The following ROBO2 variants were observed in gnomAD, a reference collection of about 807,000 sequenced individuals.
The protein encoded by ROBO2 is roundabout guidance receptor 2.
Under a neutral mutation model 160.8 loss-of-function variants are expected in ROBO2, and 53 were observed. The observed-to-expected ratio is 0.33, with a 90% CI of 0.26 to 0.41. The LOEUF (loss-of-function observed/expected upper bound fraction) is 0.41. ROBO2 is among the 10% of genes least tolerant of loss of function. The pLI is 1.00. For missense variants in ROBO2, 1,577 were observed against 1,722.4 expected, an observed-to-expected ratio of 0.92 and a Z score of 1.49; for synonymous variants, 664 against 611.7, an observed-to-expected ratio of 1.09 and a Z score of -1.26.
intron 2 of ROBO2, among the ~76,000 whole-genome samples, chr3:77,292,571 G>T (rs974033821): frequency 2.0e-5 from 3 of 150,874 alleles, no homozygotes; most frequent in African/African-American, 7.3e-5. Context: ...AAAATTGATG[G>T]TTAAATGGGT....
At chr3:76,494,375 A>T (rs1045930982) in intron 2 of ROBO2, among the ~76,000 whole-genome samples, 3 of 152,224 alleles carry the variant, frequency 2.0e-5, no homozygotes, top group African/African-American at 7.2e-5. Flanking sequence ...AGTCTTCAAA[A>T]GAAATGAAGA....
At chr3:77,113,405 A>T (rs1384581917) in intron 2 of ROBO2, among the ~76,000 whole-genome samples, 1 of 152,214 alleles carries the variant, frequency 6.6e-6, no homozygotes, top group Non-Finnish European at 1.5e-5. Context: ...AATCCTTCCT[A>T]AGTACTTATT....
At chr3:76,655,597 G>C (rs1465205301) in intron 2 of ROBO2, among the ~76,000 whole-genome samples, 1 of 148,734 alleles carries the variant, frequency 6.7e-6, no homozygotes, top group Non-Finnish European at 1.5e-5. Flanking sequence ...TAGTTTTTGA[G>C]TTAGGGTATG....
At chr3:76,108,804 C>A (rs7634690) in intron 2 of ROBO2, among the ~76,000 whole-genome samples, 3 of 150,876 alleles carry the variant, frequency 2.0e-5, no homozygotes, top group Non-Finnish European at 3.0e-5. Flanking sequence ...TTTAAATTAA[C>A]TATTATTTTG....
At chr3:76,598,256 C>T (rs2086869949) in intron 2 of ROBO2, among the ~76,000 whole-genome samples, 2 of 151,722 alleles carry the variant, frequency 1.3e-5, no homozygotes, top group South Asian at 4.2e-4. Context: ...TAGTGGTTGC[C>T]AGTGCTTAGG....
At chr3:76,028,594 A>T (rs756373486) in intron 2 of ROBO2, among the ~76,000 whole-genome samples, 4 of 151,998 alleles carry the variant, frequency 2.6e-5, no homozygotes, top group Non-Finnish European at 5.9e-5. Context: ...CATGCATTAA[A>T]GAAATCTTCA....
intron 2 of ROBO2, among the ~76,000 whole-genome samples, chr3:76,868,477 A>C (rs184155538): frequency 1.8e-4 from 27 of 152,346 alleles, no homozygotes; most frequent in Admixed American, 6.5e-4. Flanking sequence ...AATTTAGACA[A>C]ACACTTATTT....
At position 77,309,385 on chromosome 3, in the gene ROBO2, G is replaced by A. The variant is rs534498873; in HGVS notation, c.389-168029G>A. ...AAGAAGAAATGGGAAATATTCTTTT[G>A]TAGTTGGTTGTTCCTAAATTCTGGT... On this transcript the variant is annotated intron_variant, in intron 2 of 25. Transcript: ENST00000461745. 6.6e-5 allele frequency among the ~76,000 whole-genome samples: 10 copies of A among 152,288 alleles called. No homozygotes were observed. The South Asian group carries it at 1.9e-3, about 28-fold the overall frequency.
intron 2 of ROBO2, among the ~76,000 whole-genome samples, chr3:76,279,540 G>T (rs558496881): frequency 1.3e-5 from 2 of 151,930 alleles, no homozygotes; most frequent in East Asian, 3.9e-4. Flanking sequence ...TTGAGTAAAG[G>T]CCAATTTATA....
intron 2 of ROBO2, among the ~76,000 whole-genome samples, chr3:77,308,772 C>G (rs530661440): frequency 6.6e-6 from 1 of 152,242 alleles, no homozygotes; most frequent in East Asian, 1.9e-4. Flanking sequence ...CTGTATTTCT[C>G]TCAGATTCTA....
At chr3:76,606,124 T>C (rs2109016977) in intron 2 of ROBO2, among the ~76,000 whole-genome samples, 1 of 152,194 alleles carries the variant, frequency 6.6e-6, no homozygotes, top group South Asian at 2.1e-4. Flanking sequence ...ACTGGGGAAA[T>C]AAAAGTGTTT....
chr3:76,782,303 A>T (rs1241751561), intron 2 of ROBO2, among the ~76,000 whole-genome samples: 2 of 150,776 alleles, frequency 1.3e-5, no homozygotes, highest in Non-Finnish European at 3.0e-5. Context: ...GTGACCTATC[A>T]TCTGATCTAC....
chr3:76,380,719 T>G, intron 2 of ROBO2, among the ~76,000 whole-genome samples: 1 of 139,070 alleles, frequency 7.2e-6, no homozygotes, highest in South Asian at 2.3e-4. Context: ...AGTCAAACGT[T>G]ATATGTGGAT....
intron 2 of ROBO2, among the ~76,000 whole-genome samples, chr3:76,377,069 T>G (rs2076384415): frequency 6.6e-6 from 1 of 152,164 alleles, no homozygotes; most frequent in African/African-American, 2.4e-5. Context: ...AGGCCCGGGT[T>G]GGGCTGGTCC....
chr3:76,488,667 G>A (rs903236388), intron 2 of ROBO2, among the ~76,000 whole-genome samples: 6 of 152,014 alleles, frequency 3.9e-5, no homozygotes, highest in African/African-American at 1.4e-4. Flanking sequence ...CCATGTGAAA[G>A]AACATAATCC....
At chr3:76,396,297 A>T (rs1465016296) in intron 2 of ROBO2, among the ~76,000 whole-genome samples, 5 of 152,162 alleles carry the variant, frequency 3.3e-5, no homozygotes, top group Non-Finnish European at 5.9e-5. Context: ...AACTCTCAAT[A>T]AATTAGGTAT....
At chr3:76,879,984 T>A (rs563304624) in intron 2 of ROBO2, among the ~76,000 whole-genome samples, 8 of 152,146 alleles carry the variant, frequency 5.3e-5, no homozygotes, top group African/African-American at 1.9e-4. Flanking sequence ...AGAAAAATAA[T>A]AGAAGTAGTT....
chr3:77,593,097 C>T (rs1054735065), intron 17 of ROBO2, among the ~76,000 whole-genome samples: 1 of 151,998 alleles, frequency 6.6e-6, no homozygotes, highest in Non-Finnish European at 1.5e-5. Context: ...ATCTCTTGAA[C>T]AGCACATTTT....
At chr3:76,718,149 ACT>A (rs1363168985) in intron 2 of ROBO2, among the ~76,000 whole-genome samples, 1 of 152,150 alleles carries the variant, frequency 6.6e-6, no homozygotes, top group Non-Finnish European at 1.5e-5. Flanking sequence ...CTCTATAACA[ACT>A]CTATATGGAA....
Sources: allele counts gnomAD v4.1 joint callset (sites outside exome capture counted in the v4.1 genomes callset), GRCh38; gene constraint gnomAD v4.1.1; transcripts MANE v1.5; gene names NCBI Gene and HGNC (gene_info 2026-07-23, HGNC 2026-07-21).